PLEKHA7: variants seen among roughly 807,000 people sequenced by gnomAD.
PLEKHA7 encodes pleckstrin homology domain-containing family A member 7.
In PLEKHA7, 104 loss-of-function variants were observed where a neutral mutation model predicts 170.0. The ratio of observed to expected loss-of-function variants is 0.61; its 90% confidence interval spans 0.52 to 0.72. The LOEUF (loss-of-function observed/expected upper bound fraction) is 0.72. Among genes scored for constraint, PLEKHA7 ranks in the 30% least tolerant of loss-of-function variants. PLEKHA7 has a pLI of 0.00. For missense variants in PLEKHA7, 1,615 were observed against 1,671.7 expected, an observed-to-expected ratio of 0.97 and a Z score of 0.59; for synonymous variants, 648 against 660.8, an observed-to-expected ratio of 0.98 and a Z score of 0.30.
At chr11:16,953,239 A>G (rs2883150) in intron 3 of PLEKHA7, among the ~76,000 whole-genome samples, 136,612 of 152,332 alleles carry the variant, frequency 0.9, 61,314 homozygotes, top group African/African-American at 0.94. Flanking sequence ...TTGGATTACA[A>G]TCTCAGAGAC....
intron 3 of PLEKHA7, among the ~76,000 whole-genome samples, chr11:16,872,660 C>T (rs1202463796): frequency 6.6e-6 from 1 of 152,116 alleles, no homozygotes; most frequent in East Asian, 1.9e-4. Context: ...GCTGGGACTA[C>T]AGGTACATGC....
At chr11:16,999,732 G>A (rs1864553507) in intron 3 of PLEKHA7, among the ~76,000 whole-genome samples, 1 of 152,200 alleles carries the variant, frequency 6.6e-6, no homozygotes, top group Non-Finnish European at 1.5e-5. Flanking sequence ...GCTTCAGACA[G>A]GCTATCGCAT....
intron 3 of PLEKHA7, among the ~76,000 whole-genome samples, chr11:16,885,727 C>G (rs1416163643): frequency 6.6e-6 from 1 of 151,816 alleles, no homozygotes; most frequent in Non-Finnish European, 1.5e-5. Context: ...GGCACAGTGG[C>G]TCACATCTGT....
At chr11:16,849,476 T>C (rs1160056014) in intron 8 of PLEKHA7, among the ~76,000 whole-genome samples, 1 of 152,222 alleles carries the variant, frequency 6.6e-6, no homozygotes, top group Non-Finnish European at 1.5e-5. Context: ...CAAAATGTTT[T>C]CAGAGTCAGG....
intron 13 of PLEKHA7, among the ~76,000 whole-genome samples, chr11:16,806,361 T>C (rs765848717): frequency 9.2e-5 from 14 of 152,244 alleles, no homozygotes; most frequent in Non-Finnish European, 2.9e-5. Flanking sequence ...GTGTTTGTTA[T>C]AGCCATGTTC....
chr11:16,790,694 TC>T, intron 21 of PLEKHA7, 103 bp downstream of exon 21: 1 of 1,191,948 alleles, frequency 8.4e-7, no homozygotes. Flanking sequence ...TGCTGCTCAC[TC>T]CTAGGCCTAG....
chr11:16,894,002 A>G (rs2135969160), intron 3 of PLEKHA7, among the ~76,000 whole-genome samples: 1 of 152,214 alleles, frequency 6.6e-6, no homozygotes, highest in East Asian at 1.9e-4. Context: ...CCTGCTGGGG[A>G]CCTCTGGCTA....
At chr11:16,882,101 T>G (rs1855757706) in intron 3 of PLEKHA7, among the ~76,000 whole-genome samples, 1 of 152,204 alleles carries the variant, frequency 6.6e-6, no homozygotes, top group African/African-American at 2.4e-5. Flanking sequence ...CAGAGACTAG[T>G]GTTTTCACAG....
At chr11:16,988,513 C>T (rs1410985561) in intron 3 of PLEKHA7, among the ~76,000 whole-genome samples, 1 of 152,166 alleles carries the variant, frequency 6.6e-6, no homozygotes, top group Non-Finnish European at 1.5e-5. Context: ...ATGGTGTGAT[C>T]TCAGCTCACT....
chr11:16,816,127 A>C (rs1336362798), intron 12 of PLEKHA7, 51 bp downstream of exon 12: 1 of 1,470,746 alleles, frequency 6.8e-7, no homozygotes, highest in Non-Finnish European at 9.5e-7. Context: ...AGAGGAAGGA[A>C]AATGTTGATG....
chr11:16,853,225 TA>T (rs1374160414), intron 6 of PLEKHA7, among the ~76,000 whole-genome samples: 3 of 152,258 alleles, frequency 2.0e-5, no homozygotes, highest in African/African-American at 7.2e-5. Flanking sequence ...AGATGGCTGT[TA>T]AATTGTCTTC....
intron 3 of PLEKHA7, among the ~76,000 whole-genome samples, chr11:16,993,921 G>A (rs541411277): frequency 1.3e-5 from 2 of 152,322 alleles, no homozygotes; most frequent in East Asian, 1.9e-4. Flanking sequence ...AAACAAGGAG[G>A]TGCAAGGTGT....
At chr11:16,873,872 G>A (rs1855069597) in intron 3 of PLEKHA7, among the ~76,000 whole-genome samples, 1 of 152,064 alleles carries the variant, frequency 6.6e-6, no homozygotes, top group African/African-American at 2.4e-5. Context: ...TCACCATGTT[G>A]GCCAGGCTGG....
intron 12 of PLEKHA7, 100 bp from the exon 13 acceptor site, chr11:16,813,266 G>C (rs1251892445): frequency 2.0e-6 from 2 of 1,021,632 alleles, no homozygotes; most frequent in East Asian, 2.5e-5. Flanking sequence ...GCAGCTTTGG[G>C]AACAAGGAAC....
intron 3 of PLEKHA7, among the ~76,000 whole-genome samples, chr11:16,904,029 T>A (rs1857503029): frequency 6.6e-6 from 1 of 152,222 alleles, no homozygotes; most frequent in Non-Finnish European, 1.5e-5. Flanking sequence ...CCCTCAGATC[T>A]TTCACAGCCA....
intron 13 of PLEKHA7, among the ~76,000 whole-genome samples, chr11:16,805,802 A>AAAAAC (rs1848940642): frequency 1.4e-5 from 2 of 143,166 alleles, no homozygotes; most frequent in East Asian, 2.0e-4. Flanking sequence ...AAAAAAAAAA[A>AAAAAC]AAAAACAAAA....
intron 3 of PLEKHA7, among the ~76,000 whole-genome samples, chr11:16,977,483 C>T (rs188985479): frequency 1.3e-5 from 2 of 152,288 alleles, no homozygotes; most frequent in East Asian, 1.9e-4. Flanking sequence ...TTATCCCTCC[C>T]GATCCCCTGG....
intron 13 of PLEKHA7, among the ~76,000 whole-genome samples, chr11:16,809,439 C>T (rs1849210620): frequency 6.6e-6 from 1 of 152,142 alleles, no homozygotes; most frequent in Non-Finnish European, 1.5e-5. Context: ...AGACTCCTCT[C>T]CAGAGAGGCT....
intron 3 of PLEKHA7, among the ~76,000 whole-genome samples, chr11:16,968,461 C>G (rs778383491): frequency 6.6e-6 from 1 of 152,204 alleles, no homozygotes; most frequent in Non-Finnish European, 1.5e-5. Flanking sequence ...AGGCTCTCTG[C>G]ACTGCCCTCT....
Sources: allele counts gnomAD v4.1 joint callset (sites outside exome capture counted in the v4.1 genomes callset), GRCh38; gene constraint gnomAD v4.1.1; transcripts MANE v1.5; gene names NCBI Gene and HGNC (gene_info 2026-07-23, HGNC 2026-07-21).